TRRAP: variants seen among roughly 807,000 people sequenced by gnomAD.
TRRAP encodes transformation/transcription domain associated protein, also known as transformation/transcription domain-associated protein.
In TRRAP, 41 loss-of-function variants were observed where a neutral mutation model predicts 438.8. That is an observed-to-expected ratio of 0.09 (90% CI 0.07 to 0.12). TRRAP has a LOEUF of 0.12. Ranked by LOEUF, TRRAP falls within the 10% of genes least tolerant of loss-of-function variation. The pLI is 1.00. For missense variants in TRRAP, 3,122 were observed against 5,055.1 expected, an observed-to-expected ratio of 0.62 and a Z score of 11.60; for synonymous variants, 1,994 against 1,962.9, an observed-to-expected ratio of 1.02 and a Z score of -0.42.
At chr7:98,881,691 G>A in intron 2 of TRRAP, 1 of 376,974 alleles carries the variant, frequency 2.7e-6, no homozygotes, top group Non-Finnish European at 4.8e-6. Flanking sequence ...TCTCTACCTT[G>A]TAGAGAAGCA....
At chr7:98,961,886 A>G (rs949482739) in intron 46 of TRRAP, among the ~76,000 whole-genome samples, 3 of 152,174 alleles carry the variant, frequency 2.0e-5, no homozygotes, top group Non-Finnish European at 2.9e-5. Flanking sequence ...TGCCATTGCA[A>G]TCCAGCCTGG....
intron 59 of TRRAP, among the ~76,000 whole-genome samples, chr7:98,982,480 A>T (rs149803704): frequency 1.6e-4 from 24 of 152,360 alleles, no homozygotes; most frequent in African/African-American, 5.3e-4. Context: ...GCCTCAAAGG[A>T]GCATTGAACC....
In TRRAP at chr7:99,008,283, G is replaced by A. The variant is rs952393628; in HGVS notation, c.10754-94G>A. 6 of 1,340,978 alleles carry A rather than the reference G, an allele frequency of 4.5e-6. No homozygotes were observed. In the African/African-American group the frequency reaches 8.6e-5, roughly 19 times the overall value. 83.1% of individuals were successfully genotyped at this position (1,340,978 alleles called of 1,614,324 possible). A position where few individuals can be genotyped will look rare whatever the true frequency, so the allele number is the denominator to read the frequency against. ...AAGCCCCCAAGGCATACAGAGCCGG[G>A]TCAGCTCTGCTCCCAGTGGCACTCT... On this transcript the variant is annotated intron_variant, in intron 69 of 72. Coordinates refer to ENST00000456197, the MANE Select transcript of TRRAP (RefSeq NM_001375524.1).
intron 63 of TRRAP, 40 bp from the exon 64 acceptor site, chr7:98,990,415 G>C: frequency 6.2e-7 from 1 of 1,601,094 alleles, no homozygotes; most frequent in Non-Finnish European, 8.6e-7. Context: ...GAGGGCTTCA[G>C]AATTGTCATT....
At position 98,962,410 on chromosome 7, in the gene TRRAP, A is replaced by G. The variant is rs149193660; in HGVS notation, c.6812A>G (p.Asn2271Ser). ...AACTACGAGAAGGCCACCAATGCCA[A>G]TCCCTCCCAGCTCTTCGGTGAGTGT... ...LTNYEKATNA[N>S]PSQLFGTLMI... Residue 2271 changes from asparagine (N) to serine (S), a missense_variant, in exon 47 of 73, where the codon AAT (asparagine) becomes AGT (serine). Around this residue, in one of 24 missense-constraint regions of TRRAP, gnomAD observed 992 missense variants for 1,281.2 expected, o/e 0.77. Coordinates refer to ENST00000456197, the MANE Select transcript of TRRAP (RefSeq NM_001375524.1). The G allele has an allele frequency of 1.5e-5, 25 of 1,614,114 alleles. No individual in the cohort carries two copies. The highest frequency in any genetic ancestry group is 1.1e-4 in the African/African-American group (8 of 74,952).
chr7:98,998,812 C>T, intron 67 of TRRAP: 1 of 265,552 alleles, frequency 3.8e-6, no homozygotes, highest in African/African-American at 2.3e-5. Context: ...CTTACCTTAC[C>T]TCTGTTACAG....
At chr7:98,947,295 T>A (rs1791127390) in intron 33 of TRRAP, among the ~76,000 whole-genome samples, 1 of 152,228 alleles carries the variant, frequency 6.6e-6, no homozygotes, top group South Asian at 2.1e-4. Context: ...TTGATTTAAT[T>A]CAGCGGAGCA....
chr7:98,890,270 G>T, intron 3 of TRRAP, 65 bp from the exon 4 acceptor site: 2 of 1,064,762 alleles, frequency 1.9e-6, no homozygotes, highest in South Asian at 5.3e-5. Context: ...TTATTATAAT[G>T]TGTAAATTTG....
Position 98,994,958 on chromosome 7 carries a change from G to A in TRRAP, c.10309+110G>A. The A allele has an allele frequency of 2.8e-6, 4 of 1,439,686 alleles. No individual in the cohort carries two copies. The highest frequency in any genetic ancestry group is 2.6e-5 in the South Asian group (2 of 76,260). 89.2% of individuals were successfully genotyped at this position (1,439,686 alleles called of 1,614,324 possible). A position where few individuals can be genotyped will look rare whatever the true frequency, so the allele number is the denominator to read the frequency against. On this transcript the variant is annotated intron_variant, in intron 67 of 72. Transcript: ENST00000456197. This position sits in a 1 kb window ranked among gnomAD's most constrained non-coding sequence, Gnocchi z 4.8. ...CTTGGTTTTCTGATCACTGCACGGG[G>A]CACACTGGTTACACTCTGTTTACAG...
intron 3 of TRRAP, among the ~76,000 whole-genome samples, chr7:98,887,592 C>T (rs907703223): frequency 6.9e-4 from 104 of 151,804 alleles, no homozygotes; most frequent in African/African-American, 2.3e-3. Flanking sequence ...GTTAGCTGGT[C>T]GTGGTGGTGG....
At chr7:99,007,125 C>T (rs562618225) in intron 69 of TRRAP, among the ~76,000 whole-genome samples, 16 of 152,332 alleles carry the variant, frequency 1.1e-4, no homozygotes, top group African/African-American at 3.1e-4. Flanking sequence ...TGGGGCTAGA[C>T]GATCAGGTTG....
intron 56 of TRRAP, 30 bp downstream of exon 56, chr7:98,977,106 T>C (rs1219602038): frequency 1.2e-6 from 2 of 1,613,564 alleles, no homozygotes; most frequent in Non-Finnish European, 1.7e-6. Context: ...CGGTCTTGGG[T>C]GTGTAATGAG....
Position 98,899,356 on chromosome 7 carries a change from G to T in TRRAP, c.634-66G>T, listed in dbSNP as rs181630631. ...TCTTTCAGTGGGTGATGCTCAGTGG[G>T]CACTGGTGGGGGCTATTTTAAATGC... On this transcript the variant is annotated intron_variant, in intron 8 of 72. Coordinates refer to ENST00000456197, the MANE Select transcript of TRRAP (RefSeq NM_001375524.1). 13 of 1,332,466 alleles carry T rather than the reference G, an allele frequency of 9.8e-6. No individual in the cohort carries two copies. In the Admixed American group the frequency reaches 2.2e-4, roughly 23 times the overall value. The allele number at this position is 1,332,466 out of a possible 1,614,324, so 82.5% of individuals were successfully genotyped here.
intron 51 of TRRAP, among the ~76,000 whole-genome samples, chr7:98,968,018 A>G (rs1397290294): frequency 7.7e-6 from 1 of 130,482 alleles, no homozygotes; most frequent in African/African-American, 2.5e-5. Flanking sequence ...GTCAACTCCC[A>G]TTGTTCTTTT....
Position 99,005,723 on chromosome 7 carries a change from G to A in TRRAP, c.10753+375G>A. On this transcript the variant is annotated intron_variant, in intron 69 of 72. Coordinates refer to ENST00000456197, the MANE Select transcript of TRRAP (RefSeq NM_001375524.1). The surrounding 1 kb of genome is among the most constrained non-coding windows in gnomAD (Gnocchi z 5.1). ...TTTTAGCTCATCACCTGTCGTGTCA[G>A]TGTATTTTATGTGTGGCCTGAGACA... Among the ~76,000 whole-genome samples, 1 of 151,782 alleles carries A rather than the reference G, an allele frequency of 6.6e-6. No individual in the cohort carries two copies.
intron 31 of TRRAP, 86 bp downstream of exon 31, chr7:98,943,103 C>T (rs1462157338): frequency 7.0e-7 from 1 of 1,422,846 alleles, no homozygotes. Flanking sequence ...CATTAAAATG[C>T]CGGTCAGAAA....
intron 48 of TRRAP, 115 bp downstream of exon 48, chr7:98,964,890 G>C: frequency 7.7e-7 from 1 of 1,304,780 alleles, no homozygotes. Flanking sequence ...AAGTCCTGTT[G>C]TTTGGTCGTA....
At chr7:98,909,435 C>T (rs749561946) in intron 14 of TRRAP, among the ~76,000 whole-genome samples, 4 of 152,174 alleles carry the variant, frequency 2.6e-5, no homozygotes, top group Non-Finnish European at 5.9e-5. Flanking sequence ...CACTTCTGTG[C>T]ACCAGTTTTT....
In TRRAP at chr7:98,957,966, G is replaced by A. The variant is rs1554420247; in HGVS notation, c.6232-15G>A. 6.2e-7 allele frequency: 1 copy of A among 1,610,842 alleles called. No individual in the cohort carries two copies. Among genetic ancestry groups the A allele is most frequent in the Admixed American group, 1.7e-5 (1 of 59,908 alleles). On this transcript the variant is annotated splice_polypyrimidine_tract_variant and intron_variant, in intron 43 of 72. Coordinates refer to ENST00000456197, the MANE Select transcript of TRRAP (RefSeq NM_001375524.1). ...TTGCGATTCTCTTCCTGCCTGAAAG[G>A]AGGTCCTTTTCCAGGTCTTTGGGAG... is the stretch of plus-strand genomic sequence containing the variant.
Sources: gnomAD v4.1 joint callset for allele counts (sites outside exome capture counted in the v4.1 genomes callset) on GRCh38, gnomAD v4.1.1 for gene constraint, gnomAD v4.1.1 regional missense constraint, Gnocchi (gnomAD v3.1) non-coding constraint, MANE v1.5 for transcripts, NCBI Gene and HGNC (gene_info 2026-07-23, HGNC 2026-07-21) for gene names.